ANKRD27: variants seen among roughly 807,000 people sequenced by gnomAD.
ANKRD27 encodes ankyrin repeat domain 27, also known as ankyrin repeat domain-containing protein 27.
A neutral mutation model predicts 129.7 loss-of-function variants in ANKRD27; 112 were observed. The ratio of observed to expected loss-of-function variants is 0.86; its 90% CI spans 0.74 to 1.01. The LOEUF (loss-of-function observed/expected upper bound fraction) is 1.01. Ranked by LOEUF, ANKRD27 falls within the 50% of genes least tolerant of loss-of-function variation. ANKRD27 has a pLI of 0.00. For synonymous variants in ANKRD27, 516 were observed against 511.2 expected, an observed-to-expected ratio of 1.01 and a Z score of -0.13; for missense variants, 1,258 against 1,300.5, an observed-to-expected ratio of 0.97 and a Z score of 0.50.
intron 1 of ANKRD27, among the ~76,000 whole-genome samples, chr19:32,669,169 C>A (rs755155997): frequency 1.3e-5 from 2 of 152,120 alleles, no homozygotes; most frequent in Non-Finnish European, 2.9e-5. Flanking sequence ...GCCACACAGG[C>A]CCCTCAACTA....
chr19:32,656,967 T>C (rs187092141), intron 2 of ANKRD27, among the ~76,000 whole-genome samples: 2 of 152,264 alleles, frequency 1.3e-5, no homozygotes, highest in African/African-American at 4.8e-5. Context: ...TTCTAATTTT[T>C]AAAATAATGA....
chr19:32,644,227 G>C (rs542111345), intron 5 of ANKRD27, 98 bp downstream of exon 5: 1 of 1,343,232 alleles, frequency 7.4e-7, no homozygotes, highest in Admixed American at 2.1e-5. Context: ...CAAACAGTGA[G>C]GCAGCACCAG....
At chr19:32,605,045 G>A (rs1413232843) in intron 24 of ANKRD27, among the ~76,000 whole-genome samples, 4 of 152,050 alleles carry the variant, frequency 2.6e-5, no homozygotes, top group Non-Finnish European at 2.9e-5. Flanking sequence ...GCATTCCTAG[G>A]TGACAGAGCG....
chr19:32,673,743 C>A (rs1482510157), intron 1 of ANKRD27, among the ~76,000 whole-genome samples: 1 of 152,164 alleles, frequency 6.6e-6, no homozygotes, highest in Non-Finnish European at 1.5e-5. Flanking sequence ...CTACTGCTCA[C>A]CCAGTTAAAG....
At chr19:32,643,878 G>GT (rs539006123) in intron 5 of ANKRD27, 25,566 of 423,666 alleles carry the variant, frequency 0.06, 6 homozygotes, top group South Asian at 0.079. Flanking sequence ...CACTTGGTTT[G>GT]TTTTTTCTTT....
At chr19:32,599,638 A>G (rs914100135) in intron 28 of ANKRD27, 66 bp downstream of exon 28, 1 of 1,429,720 alleles carries the variant, frequency 7.0e-7, no homozygotes, top group Non-Finnish European at 9.7e-7. Context: ...CGTGTTTACC[A>G]TGGATTACTT....
intron 11 of ANKRD27, among the ~76,000 whole-genome samples, chr19:32,639,711 G>A (rs1265028274): frequency 1.3e-5 from 2 of 152,166 alleles, no homozygotes; most frequent in Non-Finnish European, 2.9e-5. Flanking sequence ...GCTGATTACC[G>A]TAAACTGAGC....
chr19:32,643,732 A>G, intron 5 of ANKRD27, 101 bp from the exon 6 acceptor site: 10 of 1,122,390 alleles, frequency 8.9e-6, no homozygotes, highest in Non-Finnish European at 1.2e-5. Flanking sequence ...TGCTAACACA[A>G]GCTTTATGAA....
At chr19:32,666,386 C>T (rs1206288826) in intron 1 of ANKRD27, 1 of 152,230 alleles carries the variant, frequency 6.6e-6, no homozygotes. Flanking sequence ...TTCCATGATT[C>T]ATGACTGAAA....
At chr19:32,629,207 C>A (rs8110015) in intron 13 of ANKRD27, among the ~76,000 whole-genome samples, 21,384 of 152,186 alleles carry the variant, frequency 0.14, 2,592 homozygotes, top group African/African-American at 0.33. Flanking sequence ...AGGCGTGAGC[C>A]ACCAAACCTG....
chr19:32,636,933 A>T (rs2023323), intron 12 of ANKRD27, among the ~76,000 whole-genome samples: 85,162 of 151,636 alleles, frequency 0.56, 24,067 homozygotes, highest in East Asian at 0.62. Context: ...TTTTTAGTAG[A>T]GACAGGGTTT....
At position 32,618,897 on chromosome 19, in the gene ANKRD27, C is replaced by A. The variant is rs769451577; in HGVS notation, c.2007+363G>T. On this transcript the variant is annotated intron_variant, in intron 20 of 28. Transcript: ENST00000306065. Reference sequence around the variant, plus strand: ...CTGCACTCCAGCCTGGGCAACAGAGCGAGACTCTTATCTCAAAAAATAAAA... The same window carrying A: ...CTGCACTCCAGCCTGGGCAACAGAGAGAGACTCTTATCTCAAAAAATAAAA... 1.6e-4 allele frequency among the ~76,000 whole-genome samples: 24 copies of A among 152,222 alleles called. No homozygotes were observed. The East Asian group carries it at 2.3e-3, about 15-fold the overall frequency.
intron 1 of ANKRD27, among the ~76,000 whole-genome samples, chr19:32,674,860 G>A (rs973196839): frequency 2.0e-5 from 3 of 151,994 alleles, no homozygotes; most frequent in African/African-American, 7.2e-5. Flanking sequence ...GGGCGGAGTG[G>A]GCAGGGCGCG....
chr19:32,629,166 C>A (rs557907576), intron 13 of ANKRD27, among the ~76,000 whole-genome samples: 2 of 152,170 alleles, frequency 1.3e-5, no homozygotes, highest in Non-Finnish European at 2.9e-5. Context: ...AGTGATCCAC[C>A]CATCTCGGCC....
At chr19:32,616,157 C>T (rs1971915409) in intron 21 of ANKRD27, among the ~76,000 whole-genome samples, 1 of 152,082 alleles carries the variant, frequency 6.6e-6, no homozygotes, top group Non-Finnish European at 1.5e-5. Flanking sequence ...CATGATCACA[C>T]CATAGCACTC....
chr19:32,646,655 C>A (rs759150910), intron 3 of ANKRD27, 40 bp from the exon 4 acceptor site: 18 of 1,596,844 alleles, frequency 1.1e-5, no homozygotes, highest in Non-Finnish European at 1.5e-5. Flanking sequence ...GCAGCCGGGG[C>A]AACCACATCC....
intron 12 of ANKRD27, among the ~76,000 whole-genome samples, chr19:32,633,331 GTT>G (rs140018331): frequency 0.52 from 62,718 of 121,628 alleles, 14,307 homozygotes; most frequent in East Asian, 0.6. Flanking sequence ...TTTTTTATCT[GTT>G]TTTTTTTTTT....
At chr19:32,627,570 G>C (rs995680248) in intron 15 of ANKRD27, among the ~76,000 whole-genome samples, 3 of 151,790 alleles carry the variant, frequency 2.0e-5, no homozygotes, top group Non-Finnish European at 4.4e-5. Context: ...GCTCATTTTT[G>C]TATGTTTTGT....
At chr19:32,653,153 C>A (rs771964147) in intron 2 of ANKRD27, among the ~76,000 whole-genome samples, 8 of 152,128 alleles carry the variant, frequency 5.3e-5, no homozygotes, top group Non-Finnish European at 1.0e-4. Flanking sequence ...TGAAACCTGG[C>A]ACGGTGCCTG....
Sources: allele counts gnomAD v4.1 joint callset (sites outside exome capture counted in the v4.1 genomes callset), GRCh38; gene constraint gnomAD v4.1.1; transcripts MANE v1.5; gene names NCBI Gene and HGNC (gene_info 2026-07-23, HGNC 2026-07-21).